The following PLAGL1 variants were observed in gnomAD, a reference collection of about 807,000 sequenced individuals.
PLAGL1 encodes zinc finger protein PLAGL1.
A neutral mutation model predicts 4.6 loss-of-function variants in PLAGL1; 1 was observed. The ratio of observed to expected loss-of-function variants is 0.22; its 90% CI spans 0.08 to 1.03. The LOEUF is 1.03. Among genes scored for constraint, PLAGL1 ranks in the 50% least tolerant of loss-of-function variants. PLAGL1 has a pLI of 0.58. For synonymous variants in PLAGL1, 240 were observed against 237.8 expected (o/e 1.01, Z -0.08); for missense variants, 464 against 570.4 (o/e 0.81, Z 1.90).
chr6:144,018,844 A>T (rs1795756314), intron 1 of PLAGL1, among the ~76,000 whole-genome samples: 1 of 152,188 alleles, frequency 6.6e-6, no homozygotes, highest in Non-Finnish European at 1.5e-5. Flanking sequence ...AATCTTAATG[A>T]TGGAATAATT....
At position 144,036,430 on chromosome 6, in the gene PLAGL1, C is replaced by A. The variant is rs1405309729; in HGVS notation, c.-151+28038G>T. ...GTACCAAAGGGGCACATGCTCCACACCAAATGGGCAAAAATTCCACAGCCG... is the reference window on the plus strand; with the variant it reads ...GTACCAAAGGGGCACATGCTCCACAACAAATGGGCAAAAATTCCACAGCCG... On this transcript the variant is annotated intron_variant, in intron 1 of 3. Transcript: ENST00000437412. The surrounding 1 kb of genome is among the most constrained non-coding windows in gnomAD (Gnocchi z 5.1). Among the ~76,000 whole-genome samples the A allele has an allele frequency of 6.6e-6, 1 of 152,138 alleles. No individual in the cohort carries two copies. Among genetic ancestry groups the A allele is most frequent in the Non-Finnish European group, 1.5e-5 (1 of 68,012 alleles).
chr6:143,976,625 A>C (rs1786610510), intron 2 of PLAGL1, among the ~76,000 whole-genome samples: 1 of 152,134 alleles, frequency 6.6e-6, no homozygotes, highest in Non-Finnish European at 1.5e-5. Flanking sequence ...TTTATATCAG[A>C]AACAGTTTAA....
intron 1 of PLAGL1, chr6:144,007,612 A>C (rs540346745): frequency 6.6e-6 from 1 of 152,336 alleles, no homozygotes; most frequent in East Asian, 1.9e-4. Context: ...TTAGGACCCC[A>C]CGTTTTTAAA....
intron 1 of PLAGL1, among the ~76,000 whole-genome samples, chr6:144,051,828 A>C (rs996481364): frequency 6.6e-6 from 1 of 152,212 alleles, no homozygotes; most frequent in African/African-American, 2.4e-5. Context: ...TATCATGAGA[A>C]TAGTGCAGGA....
rs561984443 is a variant in PLAGL1, at chr6:144,055,932, C to T, written c.-151+8536G>A. The stretch of plus-strand genomic sequence containing the variant: ...GGCTAAAATTTAACCTTCAAAAGCT[C>T]ATAAAATAGTAGTGCTCTTACTTTT... On this transcript the variant is annotated intron_variant, in intron 1 of 3. Transcript: ENST00000437412. The surrounding 1 kb of genome is among the most constrained non-coding windows in gnomAD (Gnocchi z 5.0). Among the ~76,000 whole-genome samples, 203 of 152,262 alleles carry T rather than the reference C, an allele frequency of 1.3e-3. 1 individual carries two copies. The highest frequency in any genetic ancestry group is 4.5e-3 in the African/African-American group (187 of 41,554).
rs2128555067 is a variant in PLAGL1, at chr6:143,960,563, C to T, written c.-398-21G>A. On this transcript the variant is annotated intron_variant, in intron 5 of 7. Transcript: ENST00000674357. The surrounding 1 kb of genome is among the most constrained non-coding windows in gnomAD (Gnocchi z 5.7). ...CAAACCTGTGAGAAGAGACCTTGTA[C>T]ATCGTCAGGGAATGAAGCTAGGAAA... The T allele has an allele frequency of 6.6e-6, 1 of 152,334 alleles. No homozygotes were observed. Among genetic ancestry groups the T allele is most frequent in the East Asian group, 1.9e-4 (1 of 5,188 alleles). 9.4% of individuals were successfully genotyped at this position (152,334 alleles called of 1,614,324 possible). A position where few individuals can be genotyped will look rare whatever the true frequency, so the allele number is the denominator to read the frequency against.
intron 1 of PLAGL1, among the ~76,000 whole-genome samples, chr6:144,041,760 C>T (rs1031899228): frequency 1.3e-5 from 2 of 152,214 alleles, no homozygotes. Flanking sequence ...GGAATTGCCA[C>T]ACTGTCTTCC....
At chr6:144,042,853 G>A (rs1797843854) in intron 1 of PLAGL1, among the ~76,000 whole-genome samples, 1 of 152,148 alleles carries the variant, frequency 6.6e-6, no homozygotes, top group Non-Finnish European at 1.5e-5. Flanking sequence ...ATTTTGTTGA[G>A]CAGTGGTTTA....
In PLAGL1 at chr6:144,004,249, G is replaced by A. The variant is rs576566318; in HGVS notation, c.-584+3841C>T. Among the ~76,000 whole-genome samples the A allele has an allele frequency of 2.6e-5, 4 of 151,534 alleles. No homozygotes were observed. The highest frequency in any genetic ancestry group is 4.4e-5 in the Non-Finnish European group (3 of 67,928). ...CAGGCTGCAGTGCAGTGGCATGATC[G>A]TAGTTCACTGTAAGCTCGAACTCCT... On this transcript the variant is annotated intron_variant, in intron 1 of 7. Coordinates refer to ENST00000674357, the MANE Select transcript of PLAGL1 (RefSeq NM_001317162.2). This position sits in a 1 kb window ranked among gnomAD's most constrained non-coding sequence, Gnocchi z 4.2.
chr6:143,944,944 G>A (rs934378473), intron 7 of PLAGL1, among the ~76,000 whole-genome samples: 5 of 151,744 alleles, frequency 3.3e-5, no homozygotes, highest in Non-Finnish European at 4.4e-5. Flanking sequence ...ACTGCACCTG[G>A]TTATTTCCTA....
intron 1 of PLAGL1, among the ~76,000 whole-genome samples, chr6:144,028,894 A>G (rs918338025): frequency 2.0e-5 from 3 of 152,220 alleles, no homozygotes; most frequent in African/African-American, 7.2e-5. Context: ...AAATAAAATA[A>G]TATCACTTCC....
intron 1 of PLAGL1, among the ~76,000 whole-genome samples, chr6:143,987,147 A>C (rs1789372841): frequency 6.6e-6 from 1 of 152,174 alleles, no homozygotes. Flanking sequence ...GATTTCTAGA[A>C]ATCACTATTA....
In PLAGL1 at chr6:143,985,603, T is replaced by C. The variant is rs1358549466; in HGVS notation, c.-583-429A>G. Among the ~76,000 whole-genome samples the C allele has an allele frequency of 1.3e-5, 2 of 152,174 alleles. No individual in the cohort carries two copies. The highest frequency in any genetic ancestry group is 2.4e-5 in the African/African-American group (1 of 41,444). On this transcript the variant is annotated intron_variant, in intron 1 of 7. Coordinates refer to ENST00000674357, the MANE Select transcript of PLAGL1 (RefSeq NM_001317162.2). The surrounding 1 kb of genome is among the most constrained non-coding windows in gnomAD (Gnocchi z 4.4). ...ACAGCCATTTACAAAAAGTATTTCA[T>C]TCCTTGTCCATAGTTCTATGTCTAC...
chr6:143,992,940 C>T (rs971544352), intron 1 of PLAGL1, among the ~76,000 whole-genome samples: 33 of 151,342 alleles, frequency 2.2e-4, no homozygotes, highest in African/African-American at 6.3e-4. Flanking sequence ...ATCCTGCCAC[C>T]GCACTCCAGC....
In PLAGL1 at chr6:144,034,109, TA is replaced by T. The variant is rs1797040631; in HGVS notation, c.-151+30358del. ...ATTTTCCTGGAGTCTTTTATACTGT[TA>T]ATTACATCTCCATGCAGGGCTGAAA... is the stretch of plus-strand genomic sequence containing the variant. On this transcript the variant is annotated intron_variant, in intron 1 of 3. Transcript: ENST00000437412. This position sits in a 1 kb window ranked among gnomAD's most constrained non-coding sequence, Gnocchi z 4.7. Among the ~76,000 whole-genome samples the T allele has an allele frequency of 6.6e-6, 1 of 152,252 alleles. No individual in the cohort carries two copies. The highest frequency in any genetic ancestry group is 1.5e-5 in the Non-Finnish European group (1 of 68,044).
chr6:143,996,831 G>A (rs781025845), intron 1 of PLAGL1, among the ~76,000 whole-genome samples: 2 of 152,052 alleles, frequency 1.3e-5, no homozygotes, highest in Admixed American at 6.5e-5. Context: ...ATTAAATCTC[G>A]ATCCTGAAAA....
At chr6:144,012,841 T>A (rs2064661), upstream of PLAGL1, among the ~76,000 whole-genome samples, 2 of 152,064 alleles carry the variant, frequency 1.3e-5, no homozygotes, top group Non-Finnish European at 2.9e-5. The surrounding 1 kb of genome is among the most constrained non-coding windows in gnomAD (Gnocchi z 4.8). Flanking sequence ...TGAGGAACAA[T>A]GGGACTGTGG....
intron 1 of PLAGL1, among the ~76,000 whole-genome samples, chr6:144,060,696 T>A (rs1324209511): frequency 6.6e-6 from 1 of 152,232 alleles, no homozygotes; most frequent in Non-Finnish European, 1.5e-5. Context: ...GAAGAGATTC[T>A]TATTCACACT....
chr6:144,026,689 G>C (rs1796364906), intron 1 of PLAGL1, among the ~76,000 whole-genome samples: 1 of 152,138 alleles, frequency 6.6e-6, no homozygotes, highest in Admixed American at 6.5e-5. Context: ...TTTCAAGTTA[G>C]AATAAATATG....
Sources: gnomAD v4.1 joint callset for allele counts (sites outside exome capture counted in the v4.1 genomes callset) on GRCh38, gnomAD v4.1.1 for gene constraint, Gnocchi (gnomAD v3.1) non-coding constraint, MANE v1.5 for transcripts, NCBI Gene and HGNC (gene_info 2026-07-23, HGNC 2026-07-21) for gene names.